CDC42BPA: variants seen among roughly 807,000 people sequenced by gnomAD.
CDC42BPA encodes serine/threonine-protein kinase MRCK alpha.
CDC42BPA carries 80 observed loss-of-function variants against 223.5 expected under a neutral mutation model. That is an observed-to-expected ratio of 0.36 (90% CI 0.30 to 0.43). The LOEUF (loss-of-function observed/expected upper bound fraction) is 0.43. CDC42BPA is among the 20% of genes least tolerant of loss of function. The pLI, the probability that CDC42BPA is intolerant of heterozygous loss-of-function variation, is 1.00. For missense variants in CDC42BPA, 1,743 were observed against 2,099.9 expected, an observed-to-expected ratio of 0.83 and a Z score of 3.32; for synonymous variants, 694 against 718.6, an observed-to-expected ratio of 0.97 and a Z score of 0.55.
At chr1:227,199,021 T>C (rs1479645538) in intron 4 of CDC42BPA, among the ~76,000 whole-genome samples, 1 of 152,240 alleles carries the variant, frequency 6.6e-6, no homozygotes. Flanking sequence ...GTGCTGGGAT[T>C]ACAGGCGTGA....
intron 1 of CDC42BPA, among the ~76,000 whole-genome samples, chr1:227,257,300 C>T (rs1683249899): frequency 6.9e-6 from 1 of 144,414 alleles, no homozygotes; most frequent in African/African-American, 2.9e-5. Context: ...AATTTAATGC[C>T]ACTGAATTGT....
At chr1:227,063,786 C>T (rs1179892798) in intron 21 of CDC42BPA, among the ~76,000 whole-genome samples, 1 of 152,150 alleles carries the variant, frequency 6.6e-6, no homozygotes, top group Non-Finnish European at 1.5e-5. Flanking sequence ...TTCTCACATA[C>T]AATTGACCAT....
intron 26 of CDC42BPA, among the ~76,000 whole-genome samples, chr1:227,034,423 C>T (rs1194485848): frequency 6.6e-6 from 1 of 152,048 alleles, no homozygotes; most frequent in African/African-American, 2.4e-5. Context: ...TTTGGGACAC[C>T]AACTTCTTTT....
chr1:227,233,239 A>G (rs1678359296), intron 2 of CDC42BPA, among the ~76,000 whole-genome samples: 1 of 152,090 alleles, frequency 6.6e-6, no homozygotes, highest in Non-Finnish European at 1.5e-5. Context: ...GAATTTCACC[A>G]CGTTGGCCAG....
intron 14 of CDC42BPA, among the ~76,000 whole-genome samples, chr1:227,110,660 T>G (rs1202336275): frequency 6.6e-6 from 1 of 152,172 alleles, no homozygotes; most frequent in Non-Finnish European, 1.5e-5. Flanking sequence ...CCCAGAATAG[T>G]GCTGGAAACA....
At chr1:227,083,842 G>GA (rs995184942) in intron 16 of CDC42BPA, among the ~76,000 whole-genome samples, 12 of 152,166 alleles carry the variant, frequency 7.9e-5, no homozygotes, top group Non-Finnish European at 1.8e-4. Flanking sequence ...GGGTTCAACT[G>GA]AAAGTTTGAA....
intron 1 of CDC42BPA, among the ~76,000 whole-genome samples, chr1:227,308,725 C>A (rs1692997458): frequency 6.6e-6 from 1 of 152,184 alleles, no homozygotes; most frequent in African/African-American, 2.4e-5. Flanking sequence ...ACCCCTTGCT[C>A]TTTTCCAGTA....
intron 2 of CDC42BPA, among the ~76,000 whole-genome samples, chr1:227,223,851 T>A (rs1676369791): frequency 6.6e-6 from 1 of 152,210 alleles, no homozygotes. Flanking sequence ...GAGCCACAGC[T>A]CTCACGCAGT....
intron 11 of CDC42BPA, among the ~76,000 whole-genome samples, chr1:227,127,394 T>C (rs1387959936): frequency 6.6e-6 from 1 of 152,214 alleles, no homozygotes; most frequent in Non-Finnish European, 1.5e-5. Flanking sequence ...ATCAATACCA[T>C]CTATTTCAAG....
At chr1:227,156,450 C>G (rs1320149321) in intron 6 of CDC42BPA, among the ~76,000 whole-genome samples, 364 of 3,492 alleles carry the variant, frequency 0.1, 9 homozygotes, top group South Asian at 0.29. Flanking sequence ...TGCCATAGGC[C>G]TCTCAAAGAC....
intron 23 of CDC42BPA, among the ~76,000 whole-genome samples, chr1:227,045,190 A>C (rs1672184651): frequency 6.6e-6 from 1 of 152,174 alleles, no homozygotes; most frequent in South Asian, 2.1e-4. Flanking sequence ...GGGTGATAAA[A>C]ATTTCTTTGA....
At chr1:227,219,306 A>G (rs1675419766) in intron 2 of CDC42BPA, 1 of 152,238 alleles carries the variant, frequency 6.6e-6, no homozygotes, top group South Asian at 2.1e-4. Context: ...TTTCACAACA[A>G]GCTCTGAAGC....
At chr1:227,189,852 T>C (rs1572235396) in intron 5 of CDC42BPA, among the ~76,000 whole-genome samples, 1 of 152,176 alleles carries the variant, frequency 6.6e-6, no homozygotes, top group African/African-American at 2.4e-5. Flanking sequence ...TAGTCCCTTG[T>C]TGTATTCTCC....
chr1:227,004,803 C>T (rs1663650164), intron 35 of CDC42BPA, 191 bp downstream of exon 35: 1 of 709,998 alleles, frequency 1.4e-6, no homozygotes, highest in South Asian at 1.6e-5. Context: ...TCTAGAAGGA[C>T]TCTGGGACTA....
chr1:227,066,835 T>C (rs1212379676), intron 21 of CDC42BPA, among the ~76,000 whole-genome samples: 1 of 152,174 alleles, frequency 6.6e-6, no homozygotes, highest in Admixed American at 6.5e-5. Context: ...AGATTAGTTA[T>C]ATTATTATTA....
Position 227,153,016 on chromosome 1 carries a change from T to C in CDC42BPA, c.694-5457A>G, listed in dbSNP as rs1662072975. 2.0e-5 allele frequency among the ~76,000 whole-genome samples: 3 copies of C among 151,966 alleles called. No homozygotes were observed. The South Asian group carries it at 6.2e-4, about 32-fold the overall frequency. ...ATAAAAGAAAATACCCTGGAAGAAA[T>C]GTCAATTCTGAATAATATATACCTA... On this transcript the variant is annotated intron_variant, in intron 6 of 36. Coordinates refer to ENST00000366766, the MANE Select transcript of CDC42BPA (RefSeq NM_001394014.1).
chr1:227,204,754 T>C (rs1166814296), intron 3 of CDC42BPA, among the ~76,000 whole-genome samples: 1 of 152,166 alleles, frequency 6.6e-6, no homozygotes, highest in Non-Finnish European at 1.5e-5. Context: ...AAATTTCTCT[T>C]GGCCAAACAC....
chr1:227,310,061 A>AC (rs1265475806), intron 1 of CDC42BPA, among the ~76,000 whole-genome samples: 5 of 152,132 alleles, frequency 3.3e-5, no homozygotes, highest in Non-Finnish European at 7.4e-5. Flanking sequence ...TTTCTTTCTA[A>AC]CCCTGCTACT....
chr1:227,253,672 T>C (rs1444793282), intron 2 of CDC42BPA, among the ~76,000 whole-genome samples: 1 of 151,028 alleles, frequency 6.6e-6, no homozygotes, highest in Non-Finnish European at 1.5e-5. Flanking sequence ...TAAAATACTA[T>C]GAAAATATCA....
Sources: gnomAD v4.1 joint callset for allele counts (sites outside exome capture counted in the v4.1 genomes callset) on GRCh38, gnomAD v4.1.1 for gene constraint, MANE v1.5 for transcripts, NCBI Gene and HGNC (gene_info 2026-07-23, HGNC 2026-07-21) for gene names.